Variants in IL1RAPL1 observed in about 807,000 individuals in gnomAD.
IL1RAPL1 encodes interleukin-1 receptor accessory protein-like 1.
A neutral mutation model predicts 48.4 loss-of-function variants in IL1RAPL1; 3 were observed. The observed-to-expected ratio is 0.06, with a 90% confidence interval of 0.03 to 0.16. The LOEUF (loss-of-function observed/expected upper bound fraction) is 0.16, where lower values mean the gene tolerates loss of function less well. Among genes scored for constraint, IL1RAPL1 ranks in the 10% least tolerant of loss-of-function variants. The probability of loss-of-function intolerance (pLI) is 1.00; values close to 1 mark genes in which losing one functional copy is unlikely to be tolerated. For synonymous variants in IL1RAPL1, 185 were observed against 187.7 expected, an observed-to-expected ratio of 0.99 and a Z score of 0.12; for missense variants, 349 against 530.6, an observed-to-expected ratio of 0.66 and a Z score of 3.36.
intron 5 of IL1RAPL1, among the ~76,000 whole-genome samples, chrX:29,579,472 A>G (rs1286353254): frequency 8.9e-6 from 1 of 112,063 alleles, no homozygotes; most frequent in Non-Finnish European, 1.9e-5. Context: ...GAAAGCCAGA[A>G]GGTGACAAAG....
chrX:29,827,881 G>A (rs1291264320), intron 6 of IL1RAPL1, among the ~76,000 whole-genome samples: 2 of 112,078 alleles, frequency 1.8e-5, no homozygotes, highest in African/African-American at 3.2e-5. Flanking sequence ...ATATATATGA[G>A]GCTAAGAAAG....
intron 5 of IL1RAPL1, among the ~76,000 whole-genome samples, chrX:29,627,829 T>C (rs1171084377): frequency 8.9e-6 from 1 of 112,265 alleles, no homozygotes; most frequent in Admixed American, 9.4e-5. Flanking sequence ...GAAGTAACTC[T>C]CTTGGACTAG....
chrX:29,012,641 C>A (rs1271638830), intron 2 of IL1RAPL1, among the ~76,000 whole-genome samples: 1 of 111,879 alleles, frequency 8.9e-6, no homozygotes, highest in Non-Finnish European at 1.9e-5. Context: ...CCAAAGAAAT[C>A]AACAGTTTAC....
chrX:29,498,460 AT>A (rs1298270132), intron 5 of IL1RAPL1, among the ~76,000 whole-genome samples: 4 of 104,526 alleles, frequency 3.8e-5, no homozygotes, highest in East Asian at 2.9e-4. Flanking sequence ...ATCTTTATTG[AT>A]TTTTTTCTTT....
chrX:28,671,173 G>A (rs756805462), intron 1 of IL1RAPL1, among the ~76,000 whole-genome samples: 24 of 111,588 alleles, frequency 2.2e-4, no homozygotes, highest in Non-Finnish European at 3.2e-4. Flanking sequence ...AATCTCAAGG[G>A]CCCCACATAT....
At chrX:28,653,018 C>T (rs973931883) in intron 1 of IL1RAPL1, among the ~76,000 whole-genome samples, 6 of 111,538 alleles carry the variant, frequency 5.4e-5, no homozygotes, top group African/African-American at 1.6e-4. Flanking sequence ...GCAGGTAGAG[C>T]CAATCTTTTC....
At chrX:29,412,522 A>G (rs1934157833) in intron 5 of IL1RAPL1, among the ~76,000 whole-genome samples, 1 of 112,599 alleles carries the variant, frequency 8.9e-6, no homozygotes, top group Non-Finnish European at 1.9e-5. Context: ...TTATATTGAT[A>G]TCATGTTGAA....
intron 2 of IL1RAPL1, among the ~76,000 whole-genome samples, chrX:28,968,994 T>G (rs903288932): frequency 8.9e-6 from 1 of 112,761 alleles, no homozygotes; most frequent in African/African-American, 3.2e-5. Flanking sequence ...TTTGTTGTTT[T>G]CTATAGTAAA....
chrX:29,743,718 C>T (rs1928264844), intron 6 of IL1RAPL1, among the ~76,000 whole-genome samples: 2 of 111,990 alleles, frequency 1.8e-5, no homozygotes, highest in African/African-American at 6.5e-5. Flanking sequence ...CTCCTGACCT[C>T]GTGATCTGTC....
chrX:28,952,153 G>A (rs1460209959), intron 2 of IL1RAPL1, among the ~76,000 whole-genome samples: 3 of 110,485 alleles, frequency 2.7e-5, no homozygotes, highest in African/African-American at 9.8e-5. Context: ...AAAACAGAAA[G>A]CATTAATTTT....
intron 5 of IL1RAPL1, among the ~76,000 whole-genome samples, chrX:29,550,696 G>A (rs554648997): frequency 5.4e-5 from 6 of 111,612 alleles, no homozygotes; most frequent in Non-Finnish European, 9.4e-5. Context: ...ATGGAAGTGG[G>A]TCAAATGAGT....
At chrX:28,992,163 A>T (rs1397142656) in intron 2 of IL1RAPL1, among the ~76,000 whole-genome samples, 1 of 112,090 alleles carries the variant, frequency 8.9e-6, no homozygotes, top group African/African-American at 3.2e-5. Context: ...GTTATTCTAG[A>T]TTAGATAATA....
chrX:29,345,035 C>T (rs947538453), intron 3 of IL1RAPL1, among the ~76,000 whole-genome samples: 2 of 112,693 alleles, frequency 1.8e-5, no homozygotes, highest in Admixed American at 9.4e-5. Context: ...GAGTATTTCA[C>T]GCTTAAACTA....
chrX:28,820,253 A>G (rs1319862336), intron 2 of IL1RAPL1, among the ~76,000 whole-genome samples: 2 of 108,645 alleles, frequency 1.8e-5, no homozygotes, highest in South Asian at 8.0e-4. Flanking sequence ...TTTGTCCCTG[A>G]TGTAACAGTG....
chrX:28,935,680 C>T (rs768630840), intron 2 of IL1RAPL1, among the ~76,000 whole-genome samples: 29 of 111,857 alleles, frequency 2.6e-4, no homozygotes, highest in Admixed American at 1.6e-3. Flanking sequence ...GTGACTCCCA[C>T]GTCTATCAAA....
At chrX:29,497,043 A>G (rs1935221885) in intron 5 of IL1RAPL1, among the ~76,000 whole-genome samples, 1 of 113,084 alleles carries the variant, frequency 8.8e-6, no homozygotes, top group South Asian at 3.5e-4. Flanking sequence ...GGCATGAGGC[A>G]ACATAACCCT....
chrX:28,853,484 T>TGC (rs1569186212), intron 2 of IL1RAPL1, among the ~76,000 whole-genome samples: 3 of 103,980 alleles, frequency 2.9e-5, no homozygotes, highest in Admixed American at 2.0e-4. Flanking sequence ...AGTGCATGTG[T>TGC]GTGCGCGCGC....
chrX:28,843,068 A>G (rs750130901), intron 2 of IL1RAPL1, among the ~76,000 whole-genome samples: 1 of 111,074 alleles, frequency 9.0e-6, no homozygotes, highest in Non-Finnish European at 1.9e-5. Context: ...GTTGAAATAA[A>G]ATTTCCCTTT....
chrX:29,320,425 A>G (rs1305712133), intron 3 of IL1RAPL1, among the ~76,000 whole-genome samples: 1 of 112,216 alleles, frequency 8.9e-6, no homozygotes, highest in Admixed American at 9.5e-5. Flanking sequence ...TTTTATTTAT[A>G]CAAGATATTA....
Sources: allele counts gnomAD v4.1 joint callset (sites outside exome capture counted in the v4.1 genomes callset), GRCh38; gene constraint gnomAD v4.1.1; transcripts MANE v1.5; gene names NCBI Gene and HGNC (gene_info 2026-07-23, HGNC 2026-07-21).